The following FRMD6 variants were observed in gnomAD, a reference collection of about 807,000 sequenced individuals.
FRMD6 encodes FERM domain-containing protein 6.
Under a neutral mutation model 73.2 loss-of-function variants are expected in FRMD6, and 37 were observed. The ratio of observed to expected loss-of-function variants is 0.51; its 90% CI spans 0.39 to 0.66. FRMD6 has a LOEUF of 0.66. Ranked by LOEUF, FRMD6 falls within the 30% of genes least tolerant of loss-of-function variation. The pLI is 0.00. For missense variants in FRMD6, 714 were observed against 780.5 expected, an observed-to-expected ratio of 0.91 and a Z score of 1.02; for synonymous variants, 273 against 282.2, an observed-to-expected ratio of 0.97 and a Z score of 0.33.
the FRMD6 span, among the ~76,000 whole-genome samples, chr14:51,450,360 C>G: frequency 6.6e-6 from 1 of 152,088 alleles, no homozygotes; most frequent in Admixed American, 6.5e-5. Context: ...AAAACCAGAC[C>G]AGAATTTTTT....
chr14:51,671,179 A>G (rs1241688592), intron 1 of FRMD6, among the ~76,000 whole-genome samples: 2 of 152,174 alleles, frequency 1.3e-5, no homozygotes, highest in African/African-American at 4.8e-5. Context: ...TCTCGTGTCT[A>G]TGTTCATGAG....
At chr14:51,535,836 C>T (rs994505278) in intron 1 of FRMD6, among the ~76,000 whole-genome samples, 8 of 152,010 alleles carry the variant, frequency 5.3e-5, no homozygotes, top group African/African-American at 1.9e-4. Context: ...TCCAATTTAT[C>T]CACATCCTTG....
intron 2 of FRMD6, among the ~76,000 whole-genome samples, chr14:51,646,318 CAAAAAAAAAAAAA>C (rs34495089): frequency 2.9e-5 from 2 of 69,256 alleles, no homozygotes; most frequent in Non-Finnish European, 5.2e-5. Flanking sequence ...ACTCCATATC[CAAAAAAAAAAAAA>C]AAAAAAAAAA....
intron 1 of FRMD6, among the ~76,000 whole-genome samples, chr14:51,545,038 G>A (rs1036858395): frequency 6.6e-6 from 1 of 152,038 alleles, no homozygotes; most frequent in African/African-American, 2.4e-5. Flanking sequence ...GAATTAGGAA[G>A]GGTTTGGGGC....
intron 2 of FRMD6, among the ~76,000 whole-genome samples, chr14:51,632,990 T>A (rs1482022805): frequency 6.6e-6 from 1 of 152,224 alleles, no homozygotes; most frequent in Admixed American, 6.5e-5. Flanking sequence ...TCTGGTTATA[T>A]AACAAAATGG....
At position 51,728,075 on chromosome 14, in the gene FRMD6, G is replaced by A. The variant is rs1898085569; in HGVS notation, c.*46G>A. 10 of 1,545,090 alleles carry A rather than the reference G, an allele frequency of 6.5e-6. No homozygotes were observed. Among genetic ancestry groups the A allele is most frequent in the East Asian group, 2.3e-5 (1 of 43,984 alleles). On this transcript the variant is annotated 3_prime_UTR_variant, in exon 14 of 14. Transcript: ENST00000344768. ...TACAGGCAGCTTACTGTTTGCTAGA[G>A]GATGCGAAAGTCATAAGTTCTTTAC...
intron 2 of FRMD6, chr14:51,692,849 G>A (rs770578316): frequency 4.6e-5 from 7 of 152,236 alleles, no homozygotes; most frequent in East Asian, 1.9e-4. Flanking sequence ...GAGAAATGCC[G>A]ATGTAGTGAG....
At chr14:51,577,733 C>G (rs1888484569) in intron 2 of FRMD6, among the ~76,000 whole-genome samples, 1 of 152,154 alleles carries the variant, frequency 6.6e-6, no homozygotes, top group Non-Finnish European at 1.5e-5. Flanking sequence ...GAGCTATACT[C>G]ACTGTGTATA....
intron 2 of FRMD6, chr14:51,637,248 C>G (rs1891606626): frequency 6.6e-6 from 1 of 152,060 alleles, no homozygotes; most frequent in African/African-American, 2.4e-5. Flanking sequence ...CTGCATTTCA[C>G]ATTTAAAAAA....
chr14:51,411,510 C>T, the FRMD6 span, among the ~76,000 whole-genome samples: 1 of 152,170 alleles, frequency 6.6e-6, no homozygotes, highest in Non-Finnish European at 1.5e-5. Flanking sequence ...TGGGGAACCT[C>T]CCCCTTACAT....
At position 51,529,526 on chromosome 14, in the gene FRMD6, A is replaced by G. The variant is rs1885461384; in HGVS notation, c.-210+40106A>G. Among the ~76,000 whole-genome samples the G allele has an allele frequency of 2.6e-5, 4 of 152,216 alleles. No homozygotes were observed. In the South Asian group the frequency reaches 8.3e-4, roughly 32 times the overall value. ...TGTTCAGGCACTGTGCTGGCCAGGC[A>G]TTTTATCAATATTGCTTTTATCTGT... is the stretch of plus-strand genomic sequence containing the variant. On this transcript the variant is annotated intron_variant, in intron 1 of 14. Coordinates refer to the FRMD6 transcript ENST00000356218.
At chr14:51,402,743 A>C in the FRMD6 span, among the ~76,000 whole-genome samples, 1 of 149,238 alleles carries the variant, frequency 6.7e-6, no homozygotes, top group Non-Finnish European at 1.5e-5. Context: ...GGTTCACGCC[A>C]TTCTCCTGCC....
At chr14:51,400,908 C>G in the FRMD6 span, among the ~76,000 whole-genome samples, 2 of 152,200 alleles carry the variant, frequency 1.3e-5, no homozygotes, top group Non-Finnish European at 2.9e-5. Flanking sequence ...AACATCTTAA[C>G]AGTTTTTCTC....
the FRMD6 span, among the ~76,000 whole-genome samples, chr14:51,420,669 A>G: frequency 6.6e-6 from 1 of 152,224 alleles, no homozygotes; most frequent in Non-Finnish European, 1.5e-5. Flanking sequence ...TGAAACAGCT[A>G]TTTACATAGC....
At chr14:51,513,756 C>CAT (rs3059934) in intron 1 of FRMD6, among the ~76,000 whole-genome samples, 96,078 of 151,760 alleles carry the variant, frequency 0.63, 32,567 homozygotes, top group African/African-American at 0.88. Context: ...TCTGAAATTC[C>CAT]ATGTCTCCCT....
the FRMD6 span, among the ~76,000 whole-genome samples, chr14:51,396,444 A>G: frequency 6.6e-6 from 1 of 151,904 alleles, no homozygotes; most frequent in Non-Finnish European, 1.5e-5. Flanking sequence ...CATGTGCTCC[A>G]TGGCCTACGA....
At chr14:51,471,374 G>A in the FRMD6 span, among the ~76,000 whole-genome samples, 3 of 151,804 alleles carry the variant, frequency 2.0e-5, no homozygotes, top group Admixed American at 6.6e-5. Flanking sequence ...GGTGGCAGGC[G>A]CCTGTAGTCC....
At chr14:51,418,430 T>C in the FRMD6 span, among the ~76,000 whole-genome samples, 1 of 152,348 alleles carries the variant, frequency 6.6e-6, no homozygotes, top group Non-Finnish European at 1.5e-5. Context: ...TGCAGGTCTG[T>C]TGGAGTTTCC....
intron 5 of FRMD6, 84 bp downstream of exon 5, chr14:51,702,672 A>C: frequency 9.1e-7 from 1 of 1,098,492 alleles, no homozygotes; most frequent in Non-Finnish European, 1.4e-6. Context: ...ACGTGTGTTT[A>C]TTCTTTGTCT....
Sources: allele counts gnomAD v4.1 joint callset (sites outside exome capture counted in the v4.1 genomes callset), GRCh38; gene constraint gnomAD v4.1.1; transcripts MANE v1.5; gene names NCBI Gene and HGNC (gene_info 2026-07-23, HGNC 2026-07-21).